Variants in BBS9 observed in about 807,000 individuals in gnomAD.
BBS9 encodes Bardet-Biedl syndrome 9.
BBS9 carries 89 observed loss-of-function variants against 117.7 expected under a neutral mutation model. The ratio of observed to expected loss-of-function variants is 0.76; its 90% CI spans 0.64 to 0.90. The LOEUF is 0.90. Among genes scored for constraint, BBS9 ranks in the 40% least tolerant of loss-of-function variants. The pLI is 0.00. For missense variants in BBS9, 982 were observed against 1,042.2 expected (o/e 0.94, Z 0.80); for synonymous variants, 379 against 370.9 (o/e 1.02, Z -0.25).
chr7:33,563,640 A>G (rs1585269927), intron 21 of BBS9, among the ~76,000 whole-genome samples: 2 of 152,174 alleles, frequency 1.3e-5, no homozygotes, highest in South Asian at 4.1e-4. Context: ...CGCATTTCAA[A>G]AGCAACTTTT....
At chr7:33,291,713 C>G (rs890248166) in intron 9 of BBS9, among the ~76,000 whole-genome samples, 1 of 152,086 alleles carries the variant, frequency 6.6e-6, no homozygotes, top group African/African-American at 2.4e-5. Flanking sequence ...CCATAGAAAC[C>G]CAGTGAATTC....
chr7:33,152,662 G>A lies in BBS9; in HGVS notation c.113-39G>A, dbSNP rs761920074. On this transcript the variant is annotated intron_variant, in intron 2 of 22. Coordinates refer to ENST00000242067, the MANE Select transcript of BBS9 (RefSeq NM_198428.3). ...TTTCCTAAGAGATTTGCTAATGTTTGTTTCTCCCTCTATCTTTTTTTTTTT... is the reference window on the plus strand; with the variant it reads ...TTTCCTAAGAGATTTGCTAATGTTTATTTCTCCCTCTATCTTTTTTTTTTT... 1.9e-6 allele frequency: 3 copies of A among 1,562,198 alleles called. No homozygotes were observed. The South Asian group carries it at 3.4e-5, about 18-fold the overall frequency.
At chr7:33,169,013 A>G (rs1337592905) in intron 4 of BBS9, among the ~76,000 whole-genome samples, 1 of 135,720 alleles carries the variant, frequency 7.4e-6, no homozygotes, top group African/African-American at 2.8e-5. Flanking sequence ...TCCTGTGTCC[A>G]TGTGATCTCA....
At chr7:33,535,270 G>T (rs1851203884) in intron 21 of BBS9, among the ~76,000 whole-genome samples, 1 of 152,106 alleles carries the variant, frequency 6.6e-6, no homozygotes, top group Non-Finnish European at 1.5e-5. Context: ...CGCTTGCCCT[G>T]CCGCTGGGGC....
Position 33,605,375 on chromosome 7 carries a change from G to C in BBS9, c.*149G>C. ...TGACATGCATAGAAAGAGGGGTTGG[G>C]ACTTTTTACTTCACTAGGAGAACTT... is the stretch of plus-strand genomic sequence containing the variant. On this transcript the variant is annotated 3_prime_UTR_variant, in exon 23 of 23. Coordinates refer to ENST00000242067, the MANE Select transcript of BBS9 (RefSeq NM_198428.3). 1 of 809,454 alleles carries C rather than the reference G, an allele frequency of 1.2e-6. No homozygotes were observed. Among genetic ancestry groups the C allele is most frequent in the Non-Finnish European group, 2.1e-6 (1 of 466,610 alleles). 50.1% of individuals were successfully genotyped at this position (809,454 alleles called of 1,614,324 possible). A position where few individuals can be genotyped will look rare whatever the true frequency, so the allele number is the denominator to read the frequency against.
At chr7:33,264,175 C>T in intron 6 of BBS9, 115 bp from the exon 7 acceptor site, 1 of 468,116 alleles carries the variant, frequency 2.1e-6, no homozygotes, top group East Asian at 4.4e-5. Context: ...TTTTTAAAAA[C>T]TAGGAAAAAG....
At chr7:33,348,666 A>G (rs1011034988) in intron 12 of BBS9, among the ~76,000 whole-genome samples, 4 of 152,172 alleles carry the variant, frequency 2.6e-5, no homozygotes, top group African/African-American at 9.6e-5. Flanking sequence ...GTACCAATTT[A>G]CATTTTCACT....
At chr7:33,336,395 C>T (rs772982618) in intron 9 of BBS9, 46 bp from the exon 10 acceptor site, 2 of 1,501,436 alleles carry the variant, frequency 1.3e-6, no homozygotes, top group Admixed American at 3.4e-5. Flanking sequence ...AAGACTAACT[C>T]TACTGAAATT....
At chr7:33,630,140 A>T (rs1380380984) in intron 21 of BBS9, among the ~76,000 whole-genome samples, 1 of 152,214 alleles carries the variant, frequency 6.6e-6, no homozygotes, top group African/African-American at 2.4e-5. Context: ...TACGTCTAAA[A>T]ATCCCTTGTC....
At chr7:33,285,877 T>C (rs921454698) in intron 9 of BBS9, among the ~76,000 whole-genome samples, 4 of 152,010 alleles carry the variant, frequency 2.6e-5, no homozygotes, top group Non-Finnish European at 4.4e-5. Flanking sequence ...AAGTTAGATA[T>C]CTTCTGCTTG....
intron 21 of BBS9, among the ~76,000 whole-genome samples, chr7:33,537,013 C>T (rs1387863307): frequency 2.0e-5 from 3 of 151,826 alleles, no homozygotes; most frequent in African/African-American, 7.3e-5. Context: ...ACTGAATAAG[C>T]ATAAAAGTTT....
At chr7:33,459,411 C>T (rs1164785911) in intron 19 of BBS9, among the ~76,000 whole-genome samples, 1 of 151,620 alleles carries the variant, frequency 6.6e-6, no homozygotes, top group Non-Finnish European at 1.5e-5. Flanking sequence ...AGTGATGTTG[C>T]TAAACTTCCT....
intron 21 of BBS9, among the ~76,000 whole-genome samples, chr7:33,552,294 A>G (rs775301440): frequency 6.6e-6 from 1 of 152,196 alleles, no homozygotes; most frequent in East Asian, 1.9e-4. Context: ...GAAGATGCTC[A>G]ACAGATCTTC....
chr7:33,147,249 G>C lies in BBS9; in HGVS notation c.112+885G>C, dbSNP rs1024122909. On this transcript the variant is annotated intron_variant, in intron 2 of 22. Transcript: ENST00000242067. Reference sequence around the variant, plus strand: ...ATTTGAAATTTGTATTTGGTTTATAGTCATGGGCTTTTTTTTTGTGATCTA... The same window carrying C: ...ATTTGAAATTTGTATTTGGTTTATACTCATGGGCTTTTTTTTTGTGATCTA... Among the ~76,000 whole-genome samples, 4 of 151,004 alleles carry C rather than the reference G, an allele frequency of 2.6e-5. No homozygotes were observed. The South Asian group carries it at 8.4e-4, about 32-fold the overall frequency.
At chr7:33,275,302 ATAATT>A (rs1244044537) in intron 9 of BBS9, among the ~76,000 whole-genome samples, 1 of 152,234 alleles carries the variant, frequency 6.6e-6, no homozygotes, top group Non-Finnish European at 1.5e-5. Context: ...TGTCTGAAAA[ATAATT>A]TAAAAGTTTT....
intron 9 of BBS9, among the ~76,000 whole-genome samples, chr7:33,328,914 A>G (rs999738309): frequency 3.3e-5 from 5 of 151,986 alleles, no homozygotes; most frequent in Non-Finnish European, 5.9e-5. Flanking sequence ...TTTAATTTTT[A>G]AGTCACTGAT....
At chr7:33,213,087 C>T (rs1788340580) in intron 5 of BBS9, among the ~76,000 whole-genome samples, 1 of 152,308 alleles carries the variant, frequency 6.6e-6, no homozygotes, top group East Asian at 1.9e-4. Flanking sequence ...AGGTTTGTGC[C>T]CTTCCCTTCA....
chr7:33,260,799 A>T (rs1293141575), intron 6 of BBS9, among the ~76,000 whole-genome samples: 4 of 152,150 alleles, frequency 2.6e-5, no homozygotes, highest in African/African-American at 9.7e-5. Flanking sequence ...GACCTCTAAG[A>T]GTTGAATGTA....
chr7:33,575,318 G>A (rs575642386), intron 21 of BBS9, among the ~76,000 whole-genome samples: 2 of 151,826 alleles, frequency 1.3e-5, no homozygotes, highest in Non-Finnish European at 2.9e-5. Context: ...TTAAATAAAT[G>A]TCCTCTTGGT....
Sources: allele counts gnomAD v4.1 joint callset (sites outside exome capture counted in the v4.1 genomes callset), GRCh38; gene constraint gnomAD v4.1.1; transcripts MANE v1.5; gene names NCBI Gene and HGNC (gene_info 2026-07-23, HGNC 2026-07-21).